The following NTM variants were observed in gnomAD, a reference collection of about 807,000 sequenced individuals.
The protein encoded by NTM is IgLON family member 2.
Under a neutral mutation model 42.1 loss-of-function variants are expected in NTM, and 13 were observed. The observed-to-expected ratio is 0.31, with a 90% CI of 0.20 to 0.49. The LOEUF is 0.49. NTM is among the 20% of genes least tolerant of loss of function. The pLI is 0.99. For missense variants in NTM, 373 were observed against 452.8 expected (o/e 0.82, Z 1.60); for synonymous variants, 187 against 179.2 (o/e 1.04, Z -0.35).
intron 1 of NTM, among the ~76,000 whole-genome samples, chr11:131,556,767 C>T (rs189707973): frequency 2.6e-5 from 4 of 152,218 alleles, no homozygotes; most frequent in African/African-American, 7.2e-5. Flanking sequence ...GGGTTTTCAC[C>T]GTATTGGCCA....
At chr11:131,874,831 C>A (rs998596052) in intron 1 of NTM, among the ~76,000 whole-genome samples, 2 of 152,174 alleles carry the variant, frequency 1.3e-5, no homozygotes, top group African/African-American at 4.8e-5. Context: ...CAATTCTCAA[C>A]CCTTATCAGT....
At chr11:131,727,678 C>A (rs1402940219) in intron 1 of NTM, among the ~76,000 whole-genome samples, 1 of 152,144 alleles carries the variant, frequency 6.6e-6, no homozygotes, top group Non-Finnish European at 1.5e-5. Context: ...GAATATGGAA[C>A]CAGGAAAGTC....
intron 2 of NTM, among the ~76,000 whole-genome samples, chr11:132,100,669 T>C (rs10791196): frequency 0.71 from 107,221 of 151,552 alleles, 38,652 homozygotes; most frequent in African/African-American, 0.78. Context: ...TATCAGCTGT[T>C]GCTGTCTTCG....
intron 1 of NTM, among the ~76,000 whole-genome samples, chr11:131,789,420 AAAG>A (rs1377131715): frequency 4.1e-5 from 2 of 49,036 alleles, no homozygotes; most frequent in African/African-American, 1.0e-4. Flanking sequence ...TAAAAGAAAA[AAAG>A]AAGAAGGAAG....
At chr11:131,739,063 C>A (rs1449328304) in intron 1 of NTM, among the ~76,000 whole-genome samples, 1 of 152,162 alleles carries the variant, frequency 6.6e-6, no homozygotes, top group East Asian at 1.9e-4. Flanking sequence ...AAGCAACAAT[C>A]CCTCCCACTG....
intron 1 of NTM, among the ~76,000 whole-genome samples, chr11:131,479,116 A>T (rs972190183): frequency 2.0e-5 from 3 of 152,234 alleles, no homozygotes; most frequent in African/African-American, 7.2e-5. Flanking sequence ...ATTCACTTAA[A>T]TAACCACTAA....
intron 1 of NTM, among the ~76,000 whole-genome samples, chr11:131,799,399 A>G (rs181988374): frequency 6.6e-6 from 1 of 152,210 alleles, no homozygotes; most frequent in Admixed American, 6.5e-5. Context: ...TGAATCAAGA[A>G]GGCATATTGC....
intron 1 of NTM, among the ~76,000 whole-genome samples, chr11:131,761,705 T>C (rs1270435583): frequency 6.6e-6 from 1 of 151,858 alleles, no homozygotes; most frequent in Non-Finnish European, 1.5e-5. Flanking sequence ...GCTACTCAGG[T>C]GGCTGGGGCA....
intron 1 of NTM, among the ~76,000 whole-genome samples, chr11:131,696,785 G>GCGCACACA (rs113886675): frequency 2.7e-5 from 4 of 147,754 alleles, no homozygotes; most frequent in African/African-American, 7.4e-5. Flanking sequence ...ACCCACGCAT[G>GCGCACACA]CACACACACA....
intron 1 of NTM, among the ~76,000 whole-genome samples, chr11:131,636,206 C>T (rs1208793688): frequency 6.6e-6 from 1 of 152,232 alleles, no homozygotes; most frequent in Non-Finnish European, 1.5e-5. Flanking sequence ...GGACTGAACA[C>T]TCCAGTCTCG....
At chr11:132,060,767 A>G (rs750617492) in intron 2 of NTM, among the ~76,000 whole-genome samples, 3 of 152,302 alleles carry the variant, frequency 2.0e-5, no homozygotes, top group South Asian at 2.1e-4. Flanking sequence ...AGTTTGCAGA[A>G]TGATTCAGAA....
At position 131,689,052 on chromosome 11, in the gene NTM, A is replaced by T. The variant is rs1419015531; in HGVS notation, c.83-222512A>T. Among the ~76,000 whole-genome samples the T allele has an allele frequency of 3.1e-3, 477 of 151,640 alleles. 2 individuals are homozygous for T. Among genetic ancestry groups the T allele is most frequent in the African/African-American group, 0.011 (458 of 40,880 alleles). On this transcript the variant is annotated intron_variant, in intron 1 of 8. Transcript: ENST00000683400. ...CGTGCATGCCTTCAGTGAAAACGAG[A>T]GCTACCAATAAATTGGATGTTTGTT...
intron 2 of NTM, among the ~76,000 whole-genome samples, chr11:132,035,845 T>G (rs1367519827): frequency 6.6e-6 from 1 of 152,140 alleles, no homozygotes; most frequent in East Asian, 1.9e-4. Flanking sequence ...AATCATTAAA[T>G]CCCAGATTTC....
At chr11:132,239,040 A>G (rs548759822) in intron 4 of NTM, among the ~76,000 whole-genome samples, 13 of 152,326 alleles carry the variant, frequency 8.5e-5, no homozygotes, top group Admixed American at 7.2e-4. Flanking sequence ...GACAACATCT[A>G]TACAGGTCCT....
intron 2 of NTM, among the ~76,000 whole-genome samples, chr11:131,964,203 G>C (rs185794831): frequency 6.6e-6 from 1 of 152,140 alleles, no homozygotes; most frequent in East Asian, 1.9e-4. Context: ...GGGAAACCGC[G>C]TGTGCAGAGG....
intron 1 of NTM, among the ~76,000 whole-genome samples, chr11:131,655,662 G>A (rs541693438): frequency 2.0e-5 from 3 of 152,212 alleles, no homozygotes; most frequent in Non-Finnish European, 4.4e-5. Flanking sequence ...GAGAAAGGAC[G>A]GTGGACTGGC....
At chr11:131,382,911 C>T (rs1027180777) in intron 1 of NTM, among the ~76,000 whole-genome samples, 3 of 151,682 alleles carry the variant, frequency 2.0e-5, no homozygotes, top group Non-Finnish European at 2.9e-5. Context: ...GTGTTAGTTT[C>T]ATTCTTTTTT....
At chr11:131,998,403 G>A (rs1262175787) in intron 2 of NTM, among the ~76,000 whole-genome samples, 1 of 152,126 alleles carries the variant, frequency 6.6e-6, no homozygotes, top group African/African-American at 2.4e-5. Flanking sequence ...GCTGCATCCT[G>A]GGCCCCCCTT....
chr11:132,292,787 T>TAAAAAAAAAAAAAAAAAAAAA (rs61603794), intron 4 of NTM, among the ~76,000 whole-genome samples: 8 of 56,572 alleles, frequency 1.4e-4, no homozygotes, highest in African/African-American at 2.5e-4. Flanking sequence ...GATGTAAAAG[T>TAAAAAAAAAAAAAAAAAAAAA]AAAAAAAAAA....
Sources: allele counts gnomAD v4.1 joint callset (sites outside exome capture counted in the v4.1 genomes callset), GRCh38; gene constraint gnomAD v4.1.1; transcripts MANE v1.5; gene names NCBI Gene and HGNC (gene_info 2026-07-23, HGNC 2026-07-21).